PDE7B: variants seen among roughly 807,000 people sequenced by gnomAD.
PDE7B encodes phosphodiesterase 7B, also known as 3',5'-cyclic-AMP phosphodiesterase 7B.
Under a neutral mutation model 56.2 loss-of-function variants are expected in PDE7B, and 29 were observed. That is an observed-to-expected ratio of 0.52 (90% CI 0.38 to 0.70). The LOEUF (loss-of-function observed/expected upper bound fraction) is 0.70, where lower values mean the gene tolerates loss of function less well. Among genes scored for constraint, PDE7B ranks in the 30% least tolerant of loss-of-function variants. The pLI is 0.00. For missense variants in PDE7B, 490 were observed against 565.0 expected, an observed-to-expected ratio of 0.87 and a Z score of 1.35; for synonymous variants, 197 against 196.9, an observed-to-expected ratio of 1.00 and a Z score of 0.00.
At position 136,151,239 on chromosome 6, in the gene PDE7B, C is replaced by G. The variant is rs767744537; in HGVS notation, c.462C>G (p.Thr154=). The change falls in exon 6 of 13, where the codon ACC becomes ACG. Residue 154 remains threonine, a synonymous_variant. Coordinates refer to ENST00000308191, the MANE Select transcript of PDE7B (RefSeq NM_018945.4). ...ACCATTTCAAGTTAGATATGGTGACCTTACACCGATTTTTAGGTAAGTCCT... is the reference window on the plus strand; with the variant it reads ...ACCATTTCAAGTTAGATATGGTGACGTTACACCGATTTTTAGGTAAGTCCT... ...LIHHFKLDMV[T]LHRFLVMVQE... The G allele has an allele frequency of 6.3e-7, 1 of 1,593,374 alleles. No individual in the cohort carries two copies. The highest frequency in any genetic ancestry group is 8.6e-7 in the Non-Finnish European group (1 of 1,161,436).
intron 2 of PDE7B, among the ~76,000 whole-genome samples, chr6:136,085,799 T>TCCGTGGTA (rs1173338263): frequency 2.0e-5 from 3 of 152,184 alleles, no homozygotes; most frequent in African/African-American, 7.2e-5. Flanking sequence ...AATCCCTGGC[T>TCCGTGGTA]CCGTGGTACC....
chr6:136,059,571 G>A (rs180990953), intron 2 of PDE7B, among the ~76,000 whole-genome samples: 9 of 152,322 alleles, frequency 5.9e-5, no homozygotes, highest in Non-Finnish European at 8.8e-5. Context: ...CTTTGGCAAG[G>A]AGGGGTGGTG....
At chr6:136,180,402 T>G (rs1779043505) in intron 10 of PDE7B, among the ~76,000 whole-genome samples, 1 of 152,132 alleles carries the variant, frequency 6.6e-6, no homozygotes, top group South Asian at 2.1e-4. Context: ...TGGAGGAGGC[T>G]TCTCTGACAC....
chr6:135,933,665 A>G (rs1774333113), intron 1 of PDE7B, among the ~76,000 whole-genome samples: 2 of 152,188 alleles, frequency 1.3e-5, no homozygotes, highest in South Asian at 4.1e-4. Flanking sequence ...AAATTCGAAT[A>G]AGCAAAAATC....
Position 136,191,613 on chromosome 6 carries a change from G to A in PDE7B, c.1127-1G>A. 1.2e-6 allele frequency: 2 copies of A among 1,613,426 alleles called. No homozygotes were observed. The highest frequency in any genetic ancestry group is 1.7e-6 in the Non-Finnish European group (2 of 1,179,472). ...GCTGAGCCTTGACTTGCCTGTTCTA[G>A]GTTTCATGAGCTACATCGTGGAGCC... On this transcript the variant is annotated splice_acceptor_variant, in intron 12 of 12. Transcript: ENST00000308191. LOFTEE classifies it high-confidence loss of function.
At chr6:135,968,457 A>G (rs1245154624) in intron 2 of PDE7B, among the ~76,000 whole-genome samples, 1 of 152,224 alleles carries the variant, frequency 6.6e-6, no homozygotes, top group Non-Finnish European at 1.5e-5. Context: ...CAAATTTGCA[A>G]GAAAAAAAAT....
At chr6:136,156,168 T>TGTGTGTGA in intron 8 of PDE7B, 1 of 293,022 alleles carries the variant, frequency 3.4e-6, no homozygotes, top group South Asian at 2.9e-5. Flanking sequence ...TCCAAGTGTG[T>TGTGTGTGA]GTGTGTGTGT....
At chr6:136,005,396 C>A (rs568645667) in intron 2 of PDE7B, among the ~76,000 whole-genome samples, 1,905 of 152,106 alleles carry the variant, frequency 0.013, 35 homozygotes, top group African/African-American at 0.044. Context: ...GCAAAAGAAA[C>A]TACCATCAGA....
intron 2 of PDE7B, among the ~76,000 whole-genome samples, chr6:136,042,579 A>T (rs1776431257): frequency 6.6e-6 from 1 of 152,246 alleles, no homozygotes; most frequent in African/African-American, 2.4e-5. Flanking sequence ...TCTTCCCCAT[A>T]GCCATTGTAA....
intron 2 of PDE7B, among the ~76,000 whole-genome samples, chr6:135,970,052 T>A (rs1394597558): frequency 6.6e-6 from 1 of 152,180 alleles, no homozygotes; most frequent in Non-Finnish European, 1.5e-5. Context: ...CAATTTATTG[T>A]TTCTGTAAAT....
At chr6:136,098,099 A>G (rs1777497833) in intron 2 of PDE7B, 1 of 129,244 alleles carries the variant, frequency 7.7e-6, no homozygotes, top group Non-Finnish European at 1.6e-5. Context: ...GAACATTGTT[A>G]CTTTTATAAC....
chr6:135,988,268 C>T (rs112027621), intron 2 of PDE7B, among the ~76,000 whole-genome samples: 2 of 151,384 alleles, frequency 1.3e-5, no homozygotes, highest in South Asian at 2.1e-4. Flanking sequence ...GTGGTCCCAG[C>T]GTGTGGAATT....
intron 8 of PDE7B, among the ~76,000 whole-genome samples, chr6:136,160,237 A>C (rs1219760444): frequency 1.3e-5 from 2 of 152,174 alleles, no homozygotes; most frequent in Non-Finnish European, 2.9e-5. Context: ...GATACTTCTT[A>C]AAGATAGACA....
rs988999986 is a variant in PDE7B at position 136,139,013 on chromosome 6, C to T, written c.167-8338C>T. On this transcript the variant is annotated intron_variant, in intron 3 of 12. Transcript: ENST00000308191. ...CTTTAAGTTTTAGGGTACATGTGCA[C>T]GATGTGCAGGTTTGTTACATATGTA... Among the ~76,000 whole-genome samples the T allele has an allele frequency of 3.3e-5, 5 of 151,976 alleles. No homozygotes were observed. In the East Asian group the frequency reaches 9.7e-4, roughly 29 times the overall value.
intron 3 of PDE7B, among the ~76,000 whole-genome samples, chr6:136,127,904 ACTTAG>A (rs949956178): frequency 3.9e-5 from 6 of 152,188 alleles, no homozygotes; most frequent in African/African-American, 1.4e-4. Context: ...AAGACCTTAA[ACTTAG>A]CTTAACTTCT....
chr6:135,858,911 C>T (rs1413459079), intron 1 of PDE7B, among the ~76,000 whole-genome samples: 2 of 151,994 alleles, frequency 1.3e-5, no homozygotes, highest in Non-Finnish European at 2.9e-5. Flanking sequence ...ATATCATAGA[C>T]TTTTAAAGGA....
At position 135,972,281 on chromosome 6, in the gene PDE7B, T is replaced by C. The variant is rs933863924; in HGVS notation, c.82+24757T>C. On this transcript the variant is annotated intron_variant, in intron 2 of 12. Coordinates refer to ENST00000308191, the MANE Select transcript of PDE7B (RefSeq NM_018945.4). ...AAAAAACCCAAAAAACAGGGATGTG[T>C]CTGCTCCAGACATGCAACTCATGGG... Among the ~76,000 whole-genome samples, 4 of 149,578 alleles carry C rather than the reference T, an allele frequency of 2.7e-5. No homozygotes were observed. In the East Asian group the frequency reaches 5.9e-4, roughly 22 times the overall value.
rs576895299 is a variant in PDE7B, at chr6:136,178,136, G to A, written c.804-861G>A. ...GTAACAAGAAAATTGTTAAAACAAA[G>A]AGCAAGAAAGTGGTTACTTCCAGGC... is the stretch of plus-strand genomic sequence containing the variant. On this transcript the variant is annotated intron_variant, in intron 9 of 12. Transcript: ENST00000308191. 1.1e-3 allele frequency among the ~76,000 whole-genome samples: 171 copies of A among 152,278 alleles called. 1 individual carries two copies. The highest frequency in any genetic ancestry group is 4.0e-3 in the African/African-American group (168 of 41,560).
chr6:136,131,676 A>C (rs1195743784), intron 3 of PDE7B, among the ~76,000 whole-genome samples: 3 of 152,098 alleles, frequency 2.0e-5, no homozygotes, highest in African/African-American at 7.2e-5. Context: ...TAATCAAATC[A>C]CATTAAGTCA....
Sources: allele counts gnomAD v4.1 joint callset (sites outside exome capture counted in the v4.1 genomes callset), GRCh38; gene constraint gnomAD v4.1.1; transcripts MANE v1.5; gene names NCBI Gene and HGNC (gene_info 2026-07-23, HGNC 2026-07-21).